Variants in CDON observed in about 807,000 individuals in gnomAD.
CDON encodes the protein cell adhesion molecule-related/down-regulated by oncogenes.
A neutral mutation model predicts 120.9 loss-of-function variants in CDON; 73 were observed. The ratio of observed to expected loss-of-function variants is 0.60; its 90% confidence interval spans 0.50 to 0.73. CDON has a LOEUF of 0.73. Ranked by LOEUF, CDON falls within the 30% of genes least tolerant of loss-of-function variation. The pLI, the probability that CDON is intolerant of heterozygous loss-of-function variation, is 0.00. For synonymous variants in CDON, 566 were observed against 573.5 expected (o/e 0.99, Z 0.19); for missense variants, 1,470 against 1,587.3 (o/e 0.93, Z 1.26).
intron 18 of CDON, among the ~76,000 whole-genome samples, chr11:125,976,582 A>G (rs993421535): frequency 6.8e-6 from 1 of 146,768 alleles, no homozygotes; most frequent in African/African-American, 2.5e-5. Flanking sequence ...GAAAATACTA[A>G]AATACTACAT....
intron 18 of CDON, among the ~76,000 whole-genome samples, chr11:125,973,720 G>A (rs990890080): frequency 6.6e-6 from 1 of 151,940 alleles, no homozygotes; most frequent in African/African-American, 2.4e-5. Context: ...TGTATAAATG[G>A]TCCCCTTTGC....
At chr11:126,004,450 T>G in intron 9 of CDON, 1 of 264,242 alleles carries the variant, frequency 3.8e-6, no homozygotes, top group Non-Finnish European at 7.4e-6. Flanking sequence ...AATTATATAA[T>G]ACACATAATA....
At chr11:125,975,715 C>T (rs1946133522) in intron 18 of CDON, among the ~76,000 whole-genome samples, 1 of 152,162 alleles carries the variant, frequency 6.6e-6, no homozygotes. Context: ...GGAGTAGAGC[C>T]TAGTAATGTG....
intron 14 of CDON, among the ~76,000 whole-genome samples, chr11:125,994,051 T>C (rs142766831): frequency 2.4e-4 from 36 of 152,348 alleles, no homozygotes; most frequent in African/African-American, 7.2e-4. Context: ...GATGAACTAC[T>C]ACTGATTAAT....
chr11:126,014,571 T>A (rs1177483841), intron 7 of CDON, among the ~76,000 whole-genome samples: 2 of 152,160 alleles, frequency 1.3e-5, no homozygotes, highest in East Asian at 3.8e-4. Flanking sequence ...GGAATTTCTT[T>A]TACAAATACT....
intron 11 of CDON, among the ~76,000 whole-genome samples, chr11:125,999,555 G>C (rs1946881570): frequency 6.6e-6 from 1 of 152,006 alleles, no homozygotes; most frequent in Non-Finnish European, 1.5e-5. Context: ...ATTTCTTCTT[G>C]GACAACTCCA....
chr11:125,994,456 T>C (rs1014476422), intron 13 of CDON, 67 bp from the exon 14 acceptor site: 1 of 882,766 alleles, frequency 1.1e-6, no homozygotes, highest in African/African-American at 1.6e-5. Context: ...CATTAAGGTT[T>C]CTTTATCTAC....
intron 1 of CDON, among the ~76,000 whole-genome samples, chr11:126,039,238 G>A (rs1948187516): frequency 6.6e-6 from 1 of 152,132 alleles, no homozygotes; most frequent in Non-Finnish European, 1.5e-5. Context: ...ACAGATAATT[G>A]TACATAGGTC....
chr11:125,980,520 T>C (rs1032026191), intron 17 of CDON, among the ~76,000 whole-genome samples: 3 of 152,210 alleles, frequency 2.0e-5, no homozygotes, highest in Non-Finnish European at 4.4e-5. Flanking sequence ...TCAATTTCAC[T>C]TGGATTTACA....
intron 1 of CDON, among the ~76,000 whole-genome samples, chr11:126,048,729 G>A (rs1948473047): frequency 1.3e-5 from 2 of 151,934 alleles, no homozygotes; most frequent in East Asian, 3.9e-4. Flanking sequence ...CTGAGATGGA[G>A]TTTCACTCTT....
At chr11:125,994,819 ATTGTT>A (rs1485523882) in intron 13 of CDON, 47 bp downstream of exon 13, 20 of 1,481,946 alleles carry the variant, frequency 1.3e-5, no homozygotes. Flanking sequence ...TATTAAATTG[ATTGTT>A]AACATGACCA....
At chr11:125,993,279 G>C (rs1415718821) in intron 14 of CDON, among the ~76,000 whole-genome samples, 1 of 152,134 alleles carries the variant, frequency 6.6e-6, no homozygotes, top group Non-Finnish European at 1.5e-5. Context: ...AGCAGTGGGA[G>C]AAAAGGTCCT....
At chr11:126,044,638 AG>A (rs1948356311) in intron 1 of CDON, among the ~76,000 whole-genome samples, 1 of 152,364 alleles carries the variant, frequency 6.6e-6, no homozygotes, top group African/African-American at 2.4e-5. Flanking sequence ...AGCCAGGCAC[AG>A]GAAGACAAAT....
chr11:126,001,919 C>T, intron 10 of CDON, 69 bp from the exon 11 acceptor site: 1 of 1,157,866 alleles, frequency 8.6e-7, no homozygotes, highest in Non-Finnish European at 1.3e-6. Flanking sequence ...AAAAAGAGTA[C>T]TGTGAAACTT....
intron 1 of CDON, among the ~76,000 whole-genome samples, chr11:126,062,262 T>C (rs1164627860): frequency 3.3e-5 from 5 of 152,060 alleles, no homozygotes; most frequent in Non-Finnish European, 5.9e-5. Flanking sequence ...GCGGGCGCCC[T>C]AGCTCCCCGC....
chr11:126,032,348 A>C (rs1947966141), intron 1 of CDON, among the ~76,000 whole-genome samples: 1 of 152,020 alleles, frequency 6.6e-6, no homozygotes. Flanking sequence ...AAGCAGAAGG[A>C]ACAGTGTGTT....
At chr11:126,058,190 A>G (rs561955658) in intron 1 of CDON, among the ~76,000 whole-genome samples, 1 of 152,340 alleles carries the variant, frequency 6.6e-6, no homozygotes, top group Admixed American at 6.5e-5. Context: ...CAGTAATATA[A>G]CCCATATATT....
Position 126,018,488 on chromosome 11 carries a change from G to A in CDON, c.497-15C>T. 1 of 1,612,670 alleles carries A rather than the reference G, an allele frequency of 6.2e-7. No individual in the cohort carries two copies. The highest frequency in any genetic ancestry group is 8.5e-7 in the Non-Finnish European group (1 of 1,178,824). ...TAAGTAATTCTCTGAGGAAGGAAGG[G>A]AGTGCAGTTAGGCCTCTCCCTTTAT... On this transcript the variant is annotated splice_polypyrimidine_tract_variant and intron_variant, in intron 4 of 19. Transcript: ENST00000531738.
At chr11:125,992,410 G>A (rs1053193977) in intron 14 of CDON, among the ~76,000 whole-genome samples, 15 of 152,130 alleles carry the variant, frequency 9.9e-5, no homozygotes, top group African/African-American at 3.6e-4. Context: ...TAACTGTACA[G>A]CTCAATGAAT....
Sources: gnomAD v4.1 joint callset for allele counts (sites outside exome capture counted in the v4.1 genomes callset) on GRCh38, gnomAD v4.1.1 for gene constraint, MANE v1.5 for transcripts, NCBI Gene and HGNC (gene_info 2026-07-23, HGNC 2026-07-21) for gene names.